The following PCMTD1 variants were observed in gnomAD, a reference collection of about 807,000 sequenced individuals.
PCMTD1 encodes protein-L-isoaspartate O-methyltransferase domain-containing protein 1.
PCMTD1 carries 12 observed loss-of-function variants against 37.6 expected under a neutral mutation model. The ratio of observed to expected loss-of-function variants is 0.32; its 90% CI spans 0.20 to 0.52. The LOEUF is 0.52. Ranked by LOEUF, PCMTD1 falls within the 20% of genes least tolerant of loss-of-function variation. The pLI is 0.97. For synonymous variants in PCMTD1, 117 were observed against 135.8 expected, an observed-to-expected ratio of 0.86 and a Z score of 0.96; for missense variants, 235 against 421.3, an observed-to-expected ratio of 0.56 and a Z score of 3.87.
At chr8:51,838,245 C>A (rs4587318) in intron 3 of PCMTD1, among the ~76,000 whole-genome samples, 1 of 152,060 alleles carries the variant, frequency 6.6e-6, no homozygotes, top group African/African-American at 2.4e-5. Flanking sequence ...CCAGCATTTT[C>A]GGAGGCCAAG....
At chr8:51,855,746 C>A (rs1014855494) in intron 2 of PCMTD1, among the ~76,000 whole-genome samples, 2 of 151,842 alleles carry the variant, frequency 1.3e-5, no homozygotes, top group Non-Finnish European at 2.9e-5. Flanking sequence ...GCAAGCTCCG[C>A]CTCCCGGGTT....
chr8:51,860,715 T>G (rs1299105739), intron 2 of PCMTD1, 130 bp downstream of exon 2: 29 of 768,550 alleles, frequency 3.8e-5, no homozygotes, highest in Non-Finnish European at 5.8e-5. Context: ...CACATCTAAG[T>G]AAGGAAGATA....
At position 51,820,109 on chromosome 8, in the gene PCMTD1, C is replaced by T. The variant is rs1585775616; in HGVS notation, c.*242G>A. On this transcript the variant is annotated 3_prime_UTR_variant, in exon 6 of 6. Coordinates refer to ENST00000522514, the MANE Select transcript of PCMTD1 (RefSeq NM_052937.4). The stretch of plus-strand genomic sequence containing the variant: ...ACAAGTCTTGACTACTGTTGCATTC[C>T]ACTTTGAAATCACTCTGAGCTAAAA... 1 of 304,522 alleles carries T rather than the reference C, an allele frequency of 3.3e-6. No homozygotes were observed. Among genetic ancestry groups the T allele is most frequent in the Admixed American group, 4.7e-5 (1 of 21,294 alleles). The allele number at this position is 304,522 out of a possible 1,614,324, so 18.9% of individuals were successfully genotyped here. A position where few individuals can be genotyped will look rare whatever the true frequency, so the allele number is the denominator to read the frequency against.
chr8:51,833,664 C>T lies in PCMTD1; in HGVS notation c.436G>A (p.Val146Ile). The T allele has an allele frequency of 1.2e-6, 2 of 1,610,506 alleles. No homozygotes were observed. Among genetic ancestry groups the T allele is most frequent in the Non-Finnish European group, 1.7e-6 (2 of 1,179,382 alleles). ...GCTATCTGGAGGCAATTACCAACAA[C>T]AAATGCAGGTTCACAGAACTCAAAT... ...DKFEFCEPAF[V>I]VGNCLQIASD... The change falls in exon 4 of 6, where the codon GTT becomes ATT. Residue 146 changes from valine to isoleucine, a missense_variant. Coordinates refer to ENST00000522514, the MANE Select transcript of PCMTD1 (RefSeq NM_052937.4).
chr8:51,853,905 G>C (rs188502320), intron 2 of PCMTD1, among the ~76,000 whole-genome samples: 8 of 152,076 alleles, frequency 5.3e-5, no homozygotes, highest in Admixed American at 2.6e-4. Context: ...CAAATTTTTT[G>C]TTCCTCTCTG....
chr8:51,892,857 T>C (rs939979059), intron 1 of PCMTD1, among the ~76,000 whole-genome samples: 1 of 103,216 alleles, frequency 9.7e-6, no homozygotes, highest in East Asian at 2.8e-4. Flanking sequence ...AATAAAAAAA[T>C]AGTTTCCATT....
intron 1 of PCMTD1, 27 bp downstream of exon 1, chr8:51,898,903 C>T (rs2039052940): frequency 3.0e-6 from 4 of 1,319,568 alleles, no homozygotes; most frequent in Non-Finnish European, 3.9e-6. Context: ...CCCCACGACC[C>T]CGAGCCCCCA....
intron 5 of PCMTD1, among the ~76,000 whole-genome samples, chr8:51,821,568 T>C (rs1439515530): frequency 6.6e-6 from 1 of 152,204 alleles, no homozygotes; most frequent in Non-Finnish European, 1.5e-5. Flanking sequence ...AAAGAACCCA[T>C]GCAGACACAC....
At chr8:51,894,790 A>C (rs74621016) in intron 1 of PCMTD1, among the ~76,000 whole-genome samples, 4 of 21,740 alleles carry the variant, frequency 1.8e-4, no homozygotes, top group Non-Finnish European at 1.6e-3. Context: ...GTAAGATGAC[A>C]AAAAAAAAAA....
At chr8:51,868,320 A>G (rs941843486) in intron 1 of PCMTD1, among the ~76,000 whole-genome samples, 1 of 152,178 alleles carries the variant, frequency 6.6e-6, no homozygotes, top group African/African-American at 2.4e-5. Flanking sequence ...ATCTATGATG[A>G]CAGAAAGTAA....
chr8:51,872,177 T>C (rs1224524364), intron 1 of PCMTD1, among the ~76,000 whole-genome samples: 2 of 152,080 alleles, frequency 1.3e-5, no homozygotes, highest in African/African-American at 2.4e-5. Flanking sequence ...TTGAAAGTTA[T>C]AGGACTTTAT....
chr8:51,824,401 AACAG>A (rs1185069253), intron 5 of PCMTD1, among the ~76,000 whole-genome samples: 5 of 152,200 alleles, frequency 3.3e-5, no homozygotes, highest in African/African-American at 1.2e-4. Flanking sequence ...ATACATCAAT[AACAG>A]ACAAACAGAA....
At chr8:51,875,593 C>T (rs1029203796) in intron 1 of PCMTD1, among the ~76,000 whole-genome samples, 1 of 152,098 alleles carries the variant, frequency 6.6e-6, no homozygotes, top group Non-Finnish European at 1.5e-5. Flanking sequence ...CATAGTCTAA[C>T]AGAAAGTGCT....
At chr8:51,857,360 T>C (rs560348444) in intron 2 of PCMTD1, among the ~76,000 whole-genome samples, 1 of 152,320 alleles carries the variant, frequency 6.6e-6, no homozygotes, top group Non-Finnish European at 1.5e-5. Flanking sequence ...ATCTGTGTAT[T>C]ATATGTTTTA....
Position 51,820,684 on chromosome 8 carries a change from A to G in PCMTD1, c.741T>C (p.Ala247=). 1.2e-6 allele frequency: 2 copies of G among 1,613,340 alleles called. No individual in the cohort carries two copies. Among genetic ancestry groups the G allele is most frequent in the East Asian group, 4.5e-5 (2 of 44,854 alleles). Residue 247 remains alanine, a synonymous_variant, in exon 6 of 6, where the codon GCT becomes GCC. Transcript: ENST00000522514. The stretch of plus-strand genomic sequence containing the variant: ...TAAGTGTGCGTCGAATGTAAATACG[A>G]GCCAAGTCCTGTAGATTCCTGACAG... ...PCAVRNLQDL[A]RIYIRRTLRN... is the part of the protein sequence containing the mutation.
chr8:51,846,694 G>C (rs2038225101), intron 2 of PCMTD1, among the ~76,000 whole-genome samples: 2 of 152,140 alleles, frequency 1.3e-5, no homozygotes, highest in Non-Finnish European at 2.9e-5. Flanking sequence ...TAAAACAACA[G>C]TGCATATTTG....
At chr8:51,876,072 A>T (rs1366281522) in intron 1 of PCMTD1, among the ~76,000 whole-genome samples, 2 of 152,234 alleles carry the variant, frequency 1.3e-5, no homozygotes, top group African/African-American at 4.8e-5. Context: ...TGCCTACCAC[A>T]TGCTCAATAG....
At chr8:51,859,757 C>T (rs1160212428) in intron 2 of PCMTD1, among the ~76,000 whole-genome samples, 1 of 152,128 alleles carries the variant, frequency 6.6e-6, no homozygotes, top group Non-Finnish European at 1.5e-5. Context: ...CATAGAGTCA[C>T]CCTACTAGAG....
chr8:51,858,657 C>T (rs1419301595), intron 2 of PCMTD1, among the ~76,000 whole-genome samples: 1 of 152,344 alleles, frequency 6.6e-6, no homozygotes, highest in East Asian at 1.9e-4. Flanking sequence ...GTTTTACAGA[C>T]TGTTGTTTCT....
Sources: gnomAD v4.1 joint callset for allele counts (sites outside exome capture counted in the v4.1 genomes callset) on GRCh38, gnomAD v4.1.1 for gene constraint, MANE v1.5 for transcripts, NCBI Gene and HGNC (gene_info 2026-07-23, HGNC 2026-07-21) for gene names.